PPP6R3: variants seen among roughly 807,000 people sequenced by gnomAD.
PPP6R3 encodes the protein protein phosphatase 6 regulatory subunit 3.
In PPP6R3, 38 loss-of-function variants were observed where a neutral mutation model predicts 110.7. That is an observed-to-expected ratio of 0.34 (90% CI 0.26 to 0.45). The LOEUF is 0.45. PPP6R3 is among the 20% of genes least tolerant of loss of function. The probability of loss-of-function intolerance (pLI) is 1.00; values close to 1 mark genes in which losing one functional copy is unlikely to be tolerated. For synonymous variants in PPP6R3, 369 were observed against 373.5 expected (o/e 0.99, Z 0.14); for missense variants, 870 against 1,062.4 (o/e 0.82, Z 2.52).
intron 8 of PPP6R3, among the ~76,000 whole-genome samples, chr11:68,561,109 G>A (rs1313431537): frequency 6.6e-6 from 1 of 151,840 alleles, no homozygotes; most frequent in Non-Finnish European, 1.5e-5. Context: ...CCGTGGTCTC[G>A]ATCTCCTGAC....
intron 1 of PPP6R3, among the ~76,000 whole-genome samples, chr11:68,506,494 C>T (rs1191374828): frequency 7.8e-6 from 1 of 128,888 alleles, no homozygotes; most frequent in Non-Finnish European, 1.6e-5. Context: ...TTATAGGGTA[C>T]AAAGTGATGT....
chr11:68,553,140 T>TTTGTATTGG (rs2153703037), intron 6 of PPP6R3, among the ~76,000 whole-genome samples: 1 of 152,316 alleles, frequency 6.6e-6, no homozygotes, highest in African/African-American at 2.4e-5. Flanking sequence ...AGCACATTGC[T>TTTGTATTGG]CAGTCTTTGA....
chr11:68,528,162 C>G (rs1565619998), intron 2 of PPP6R3, among the ~76,000 whole-genome samples: 1 of 152,060 alleles, frequency 6.6e-6, no homozygotes, highest in African/African-American at 2.4e-5. Flanking sequence ...CATATTAATA[C>G]TTTAATACCT....
At chr11:68,489,552 T>TGTGTGTGTG (rs1491233294) in intron 1 of PPP6R3, among the ~76,000 whole-genome samples, 12,145 of 144,934 alleles carry the variant, frequency 0.084, 661 homozygotes, top group African/African-American at 0.14. Context: ...TACTGTGTGT[T>TGTGTGTGTG]TGTGTGTGTG....
intron 1 of PPP6R3, among the ~76,000 whole-genome samples, chr11:68,511,726 C>T (rs573312017): frequency 8.8e-4 from 132 of 149,418 alleles, no homozygotes; most frequent in African/African-American, 3.2e-3. Context: ...GATGATCCAC[C>T]CGCCTCGGCC....
At chr11:68,538,945 C>A (rs1056430540) in intron 3 of PPP6R3, among the ~76,000 whole-genome samples, 2 of 152,326 alleles carry the variant, frequency 1.3e-5, no homozygotes, top group African/African-American at 2.4e-5. Context: ...CATGGTGAAA[C>A]CCCGAGTCTA....
intron 19 of PPP6R3, 77 bp from the exon 20 acceptor site, chr11:68,600,264 T>C (rs2099627682): frequency 1.3e-6 from 2 of 1,484,254 alleles, no homozygotes; most frequent in African/African-American, 2.8e-5. Flanking sequence ...CTTTTGCTAA[T>C]GTGTTTTTGA....
At chr11:68,605,196 T>C (rs1346708002) in intron 22 of PPP6R3, among the ~76,000 whole-genome samples, 1 of 151,994 alleles carries the variant, frequency 6.6e-6, no homozygotes, top group Non-Finnish European at 1.5e-5. Context: ...AAAAATTAGC[T>C]GAGTGTGGTG....
At position 68,554,172 on chromosome 11, in the gene PPP6R3, T is replaced by G; in HGVS notation, c.646T>G (p.Cys216Gly). 1 of 1,613,494 alleles carries G rather than the reference T, an allele frequency of 6.2e-7. No individual in the cohort carries two copies. Among genetic ancestry groups the G allele is most frequent in the Non-Finnish European group, 8.5e-7 (1 of 1,179,762 alleles). The change falls in exon 7 of 24, where the codon TGT (cysteine) becomes GGT (glycine). Residue 216 changes from cysteine to glycine, a missense_variant. Coordinates refer to ENST00000393800, the MANE Select transcript of PPP6R3 (RefSeq NM_001164161.2). ...ACATTCAAATGCATCACAATCACTT[T>G]GTGAAATTGTTCGCCTGAGCAGAGA... The part of the protein sequence containing the change: ...DRHSNASQSL[C>G]EIVRLSRDQM...
In PPP6R3 at chr11:68,601,167, C is replaced by T. The variant is rs765521094; in HGVS notation, c.2192+673C>T. 6.6e-5 allele frequency among the ~76,000 whole-genome samples: 10 copies of T among 152,178 alleles called. No individual in the cohort carries two copies. In the East Asian group the frequency reaches 7.7e-4, roughly 12 times the overall value. ...ATGTCTCCAAAATAATGAGTTATTT[C>T]GTCTACCCCGCTTTTCAGTACAGGA... On this transcript the variant is annotated intron_variant, in intron 20 of 23. Coordinates refer to ENST00000393800, the MANE Select transcript of PPP6R3 (RefSeq NM_001164161.2).
At chr11:68,511,623 G>A (rs189037869) in intron 1 of PPP6R3, among the ~76,000 whole-genome samples, 48 of 151,742 alleles carry the variant, frequency 3.2e-4, no homozygotes, top group African/African-American at 1.1e-3. Context: ...TGGGATTACA[G>A]GTGTGTGCCA....
At chr11:68,487,603 T>G (rs1415810223) in intron 1 of PPP6R3, among the ~76,000 whole-genome samples, 3 of 152,168 alleles carry the variant, frequency 2.0e-5, no homozygotes, top group Admixed American at 2.0e-4. Flanking sequence ...TTTATTTAGT[T>G]AAAAATACTT....
intron 20 of PPP6R3, 139 bp from the exon 21 acceptor site, chr11:68,601,724 G>A: frequency 1.6e-6 from 1 of 630,128 alleles, no homozygotes; most frequent in Non-Finnish European, 2.7e-6. Context: ...ATGTGTCACT[G>A]GAGTTTGTAA....
At chr11:68,487,341 C>T (rs2098954035) in intron 1 of PPP6R3, among the ~76,000 whole-genome samples, 1 of 92,172 alleles carries the variant, frequency 1.1e-5, no homozygotes, top group Non-Finnish European at 2.1e-5. Context: ...TCCCTTGAGC[C>T]CAGGAGTATG....
intron 1 of PPP6R3, among the ~76,000 whole-genome samples, chr11:68,476,819 T>G (rs2098836197): frequency 1.3e-5 from 2 of 151,470 alleles, no homozygotes; most frequent in African/African-American, 4.9e-5. Flanking sequence ...CCCAGGAGTT[T>G]GAGACCAGCC....
intron 1 of PPP6R3, among the ~76,000 whole-genome samples, chr11:68,495,056 A>T (rs1349638914): frequency 6.6e-6 from 1 of 152,168 alleles, no homozygotes; most frequent in Non-Finnish European, 1.5e-5. Context: ...GATGTACCAT[A>T]AAGTTTACTT....
intron 3 of PPP6R3, among the ~76,000 whole-genome samples, chr11:68,542,616 A>G (rs1165575458): frequency 6.6e-6 from 1 of 150,966 alleles, no homozygotes; most frequent in Non-Finnish European, 1.5e-5. Context: ...CTGGTCATGA[A>G]CTCCTGACCT....
In PPP6R3 at chr11:68,505,840, G is replaced by A. The variant is rs537666; in HGVS notation, c.-157-13661G>A. 1.5e-3 allele frequency among the ~76,000 whole-genome samples: 221 copies of A among 152,106 alleles called. 1 individual carries two copies. The highest frequency in any genetic ancestry group is 5.0e-3 in the African/African-American group (207 of 41,530). ...TTAATCTTTTTTTAGAAATGCTAACGGTGGAGACTAAGGCATACAAGTATG... is the reference window on the plus strand; with the variant it reads ...TTAATCTTTTTTTAGAAATGCTAACAGTGGAGACTAAGGCATACAAGTATG... On this transcript the variant is annotated intron_variant, in intron 1 of 23. Transcript: ENST00000393800.
At chr11:68,608,939 A>G (rs892266253) in intron 22 of PPP6R3, among the ~76,000 whole-genome samples, 2 of 152,224 alleles carry the variant, frequency 1.3e-5, no homozygotes, top group African/African-American at 4.8e-5. Context: ...ACTAAATCAT[A>G]TGATTTTAAC....
Sources: allele counts gnomAD v4.1 joint callset (sites outside exome capture counted in the v4.1 genomes callset), GRCh38; gene constraint gnomAD v4.1.1; transcripts MANE v1.5; gene names NCBI Gene and HGNC (gene_info 2026-07-23, HGNC 2026-07-21).